The following CRHR2 variants were observed in gnomAD, a reference collection of about 807,000 sequenced individuals.
The protein encoded by CRHR2 is corticotropin-releasing hormone receptor 2.
CRHR2 carries 53 observed loss-of-function variants against 57.9 expected under a neutral mutation model. That is an observed-to-expected ratio of 0.92 (90% CI 0.73 to 1.15). CRHR2 has a LOEUF of 1.15. Ranked by LOEUF, CRHR2 falls within the 50% of genes most tolerant of loss-of-function variation. The pLI is 0.00. For synonymous variants in CRHR2, 213 were observed against 220.9 expected (o/e 0.96, Z 0.32); for missense variants, 532 against 542.6 (o/e 0.98, Z 0.19).
In CRHR2 at chr7:30,689,250, G is replaced by A. The variant is rs983122097; in HGVS notation, c.-226C>T. On this transcript the variant is annotated 5_prime_UTR_variant, in exon 2 of 14. Coordinates refer to the CRHR2 transcript ENST00000341843. ...GTACTGCTCCAGAAGTGCCCACAGG[G>A]GCTGGTCTTTGGGCATCTGGCTCTG... 4.2e-5 allele frequency: 65 copies of A among 1,550,384 alleles called. No homozygotes were observed. In the Admixed American group the frequency reaches 1.2e-3, roughly 29 times the overall value.
Position 30,665,859 on chromosome 7 carries a change from A to C in CRHR2, c.316-220T>G, listed in dbSNP as rs906590957. On this transcript the variant is annotated intron_variant, in intron 3 of 11. Transcript: ENST00000471646. The surrounding 1 kb of genome is among the most constrained non-coding windows in gnomAD (Gnocchi z 4.5). ...GGCCTTCCAACATGCATTTATTTTT[A>C]TTTTTTTAGAGATGGGGTATCACTC... Among the ~76,000 whole-genome samples, 3 of 151,826 alleles carry C rather than the reference A, an allele frequency of 2.0e-5. No individual in the cohort carries two copies. Among genetic ancestry groups the C allele is most frequent in the Non-Finnish European group, 4.4e-5 (3 of 67,940 alleles).
intron 1 of CRHR2, among the ~76,000 whole-genome samples, chr7:30,695,288 G>A (rs1346326657): frequency 6.6e-6 from 1 of 152,136 alleles, no homozygotes; most frequent in Non-Finnish European, 1.5e-5. Context: ...TGGATGTTGA[G>A]TGAGAATCCC....
At chr7:30,670,989 C>T (rs1216768565) in intron 2 of CRHR2, among the ~76,000 whole-genome samples, 1 of 152,194 alleles carries the variant, frequency 6.6e-6, no homozygotes, top group Admixed American at 6.5e-5. Flanking sequence ...GGGCTCTCCC[C>T]GTTTCAGATG....
At chr7:30,681,215 G>A (rs1784694867) in intron 2 of CRHR2, among the ~76,000 whole-genome samples, 1 of 152,158 alleles carries the variant, frequency 6.6e-6, no homozygotes, top group African/African-American at 2.4e-5. Context: ...CCAGGAGGAA[G>A]GCAGGCACAG....
intron 8 of CRHR2, among the ~76,000 whole-genome samples, chr7:30,658,256 A>C (rs1161222114): frequency 1.3e-5 from 2 of 152,160 alleles, no homozygotes; most frequent in Admixed American, 1.3e-4. Context: ...CCAGTTCTTT[A>C]GTAAGAACTG....
chr7:30,670,809 C>T (rs935842129), intron 2 of CRHR2, among the ~76,000 whole-genome samples: 3 of 152,226 alleles, frequency 2.0e-5, no homozygotes, highest in Non-Finnish European at 4.4e-5. Flanking sequence ...ACCATAGCAA[C>T]ACAGGTGCCC....
chr7:30,696,554 T>G (rs537095496), intron 1 of CRHR2, among the ~76,000 whole-genome samples: 140 of 152,196 alleles, frequency 9.2e-4, no homozygotes, highest in African/African-American at 3.3e-3. Flanking sequence ...ACCCAATCTC[T>G]ACTAAAAGTA....
chr7:30,659,558 T>C (rs571596173), intron 8 of CRHR2, among the ~76,000 whole-genome samples: 2 of 152,316 alleles, frequency 1.3e-5, no homozygotes, highest in South Asian at 4.1e-4. Flanking sequence ...TGACAAAACC[T>C]GGCTTCTGCC....
intron 6 of CRHR2, 144 bp from the exon 7 acceptor site, chr7:30,662,360 TCCC>T: frequency 1.1e-6 from 1 of 930,512 alleles, no homozygotes; most frequent in East Asian, 2.6e-5. Flanking sequence ...GGGTGCCCTG[TCCC>T]TCAACACCTG....
Position 30,665,082 on chromosome 7 carries a change from G to A in CRHR2, c.531C>T (p.His177=), listed in dbSNP as rs150872538. The A allele has an allele frequency of 4.0e-5, 64 of 1,613,708 alleles. No individual in the cohort carries two copies. Among genetic ancestry groups the A allele is most frequent in the African/African-American group, 1.2e-4 (9 of 74,840 alleles). ...CCCGAGCAATGACCTCATTGCTCTC[G>A]TGCACTTCATGGTCAACGAGCTGCA... ...FLLQLVDHEV[H]ESNEVWCRCI... The change falls in exon 5 of 12, where the codon CAC becomes CAT. Residue 177 remains histidine, a synonymous_variant. Coordinates refer to ENST00000471646, the MANE Select transcript of CRHR2 (RefSeq NM_001883.5). This position sits in a 1 kb window ranked among gnomAD's most constrained non-coding sequence, Gnocchi z 4.5.
At chr7:30,659,404 T>C (rs1337788622) in intron 8 of CRHR2, among the ~76,000 whole-genome samples, 1 of 152,204 alleles carries the variant, frequency 6.6e-6, no homozygotes, top group Admixed American at 6.5e-5. Context: ...CTTGGCTCAG[T>C]TCCAGGCTCA....
intron 2 of CRHR2, among the ~76,000 whole-genome samples, chr7:30,674,209 CT>C (rs1224895432): frequency 3.9e-5 from 6 of 152,092 alleles, no homozygotes; most frequent in African/African-American, 1.4e-4. Flanking sequence ...CATACTGGGT[CT>C]ATGAAAAAGG....
At chr7:30,667,681 A>G (rs1784229592) in intron 2 of CRHR2, among the ~76,000 whole-genome samples, 1 of 152,248 alleles carries the variant, frequency 6.6e-6, no homozygotes, top group South Asian at 2.1e-4. Flanking sequence ...TTTTATATTT[A>G]TGAGGTCCAT....
In CRHR2 at chr7:30,653,750, T is replaced by A; in HGVS notation, c.1096-150A>T. On this transcript the variant is annotated intron_variant, in intron 11 of 11. Transcript: ENST00000471646. This position sits in a 1 kb window ranked among gnomAD's most constrained non-coding sequence, Gnocchi z 5.0. ...TCCAAAACAGGTCCTTCCCTGATGC[T>A]GTTGCCTCTCTCCAGGGGCCTCTTC... The A allele has an allele frequency of 1.1e-6, 1 of 938,454 alleles. No individual in the cohort carries two copies. Among genetic ancestry groups the A allele is most frequent in the Non-Finnish European group, 1.5e-6 (1 of 649,534 alleles). The allele number at this position is 938,454 out of a possible 1,614,324, so 58.1% of individuals were successfully genotyped here.
chr7:30,686,483 T>C (rs1374088307), upstream of CRHR2: 3 of 1,518,322 alleles, frequency 2.0e-6, no homozygotes, highest in African/African-American at 2.8e-5. Flanking sequence ...GTGTGTTGCA[T>C]TGAGGAATTA....
At chr7:30,677,662 G>T (rs1032279539) in intron 2 of CRHR2, among the ~76,000 whole-genome samples, 5 of 152,140 alleles carry the variant, frequency 3.3e-5, no homozygotes, top group African/African-American at 1.2e-4. Context: ...GGGATTTGGG[G>T]CTCCACATAT....
At chr7:30,660,445 C>A in intron 8 of CRHR2, 128 bp downstream of exon 8, 1 of 914,630 alleles carries the variant, frequency 1.1e-6, no homozygotes, top group Non-Finnish European at 1.7e-6. Flanking sequence ...GGACAGGGTA[C>A]GGGGGTGGCA....
intron 8 of CRHR2, among the ~76,000 whole-genome samples, chr7:30,659,168 G>A (rs542869379): frequency 6.6e-6 from 1 of 152,356 alleles, no homozygotes; most frequent in East Asian, 1.9e-4. Context: ...CCCTGTTGGT[G>A]CAAAGAGCTG....
rs117929809 is a variant in CRHR2 at position 30,681,396 on chromosome 7, C to T, written c.229+519G>A. Reference sequence around the variant, plus strand: ...ACCCTCTGGCTTAGCAGAACCTACGCCTGCATGTCCTCCCCACGAAACATG... The same window carrying T: ...ACCCTCTGGCTTAGCAGAACCTACGTCTGCATGTCCTCCCCACGAAACATG... On this transcript the variant is annotated intron_variant, in intron 2 of 11. Coordinates refer to ENST00000471646, the MANE Select transcript of CRHR2 (RefSeq NM_001883.5). Among the ~76,000 whole-genome samples the T allele has an allele frequency of 2.1e-3, 315 of 152,310 alleles. 5 individuals carry two copies. In the East Asian group the frequency reaches 0.039, roughly 19 times the overall value.
Sources: allele counts gnomAD v4.1 joint callset (sites outside exome capture counted in the v4.1 genomes callset), GRCh38; gene constraint gnomAD v4.1.1; non-coding constraint Gnocchi (gnomAD v3.1); transcripts MANE v1.5; gene names NCBI Gene and HGNC (gene_info 2026-07-23, HGNC 2026-07-21).